Variants in PRIM2 observed in about 807,000 individuals in gnomAD.
PRIM2 encodes DNA primase subunit 2.
A neutral mutation model predicts 67.3 loss-of-function variants in PRIM2; 39 were observed. That is an observed-to-expected ratio of 0.58 (90% CI 0.45 to 0.76). PRIM2 has a LOEUF of 0.76. Among genes scored for constraint, PRIM2 ranks in the 30% least tolerant of loss-of-function variants. The pLI, the probability that PRIM2 is intolerant of heterozygous loss-of-function variation, is 0.00. For missense variants in PRIM2, 398 were observed against 598.7 expected, an observed-to-expected ratio of 0.66 and a Z score of 3.50; for synonymous variants, 143 against 198.7, an observed-to-expected ratio of 0.72 and a Z score of 2.36.
chr6:57,530,030 G>A (rs1774853224), intron 8 of PRIM2, among the ~76,000 whole-genome samples: 1 of 151,940 alleles, frequency 6.6e-6, no homozygotes, highest in Non-Finnish European at 1.5e-5. Context: ...AAAGCCACAA[G>A]TTTCCTTCCC....
At chr6:57,537,945 T>A (rs1288520305) in intron 10 of PRIM2, among the ~76,000 whole-genome samples, 1 of 152,160 alleles carries the variant, frequency 6.6e-6, no homozygotes, top group Non-Finnish European at 1.5e-5. Flanking sequence ...CTGGGAGATA[T>A]CATGAACAAA....
chr6:57,265,655 A>G, the PRIM2 span, among the ~76,000 whole-genome samples: 1 of 152,230 alleles, frequency 6.6e-6, no homozygotes, highest in African/African-American at 2.4e-5. Context: ...TATCCTATAG[A>G]TAGCCCAGAA....
intron 8 of PRIM2, among the ~76,000 whole-genome samples, chr6:57,531,990 T>G (rs1237750676): frequency 6.6e-6 from 1 of 152,162 alleles, no homozygotes; most frequent in South Asian, 2.1e-4. Context: ...CATTAGTCAA[T>G]AAGGCACCTG....
At chr6:57,630,278 A>G (rs1237467699) in intron 12 of PRIM2, among the ~76,000 whole-genome samples, 1 of 152,194 alleles carries the variant, frequency 6.6e-6, no homozygotes, top group Non-Finnish European at 1.5e-5. Context: ...ATAAAAATTC[A>G]TCCTAATAAA....
chr6:57,448,148 G>T (rs12200861), intron 7 of PRIM2, among the ~76,000 whole-genome samples: 1 of 152,120 alleles, frequency 6.6e-6, no homozygotes, highest in African/African-American at 2.4e-5. Context: ...AGACAATGTT[G>T]TATAGAACAT....
At chr6:57,438,426 C>T (rs1772085312) in intron 7 of PRIM2, among the ~76,000 whole-genome samples, 1 of 152,150 alleles carries the variant, frequency 6.6e-6, no homozygotes, top group Admixed American at 6.5e-5. Context: ...CTGGCTCTTA[C>T]ATCTTCAATA....
At chr6:57,318,143 C>G (rs1285167169) in intron 1 of PRIM2, among the ~76,000 whole-genome samples, 3 of 152,126 alleles carry the variant, frequency 2.0e-5, no homozygotes, top group African/African-American at 7.2e-5. Flanking sequence ...ACACACAGGC[C>G]TATAATGAGC....
chr6:57,278,821 T>C, the PRIM2 span, among the ~76,000 whole-genome samples: 93 of 152,194 alleles, frequency 6.1e-4, no homozygotes, highest in African/African-American at 2.2e-3. Flanking sequence ...ATAGTTTTTA[T>C]GAACAAAGCT....
chr6:57,469,370 C>G (rs1295772095), intron 7 of PRIM2, among the ~76,000 whole-genome samples: 1 of 152,226 alleles, frequency 6.6e-6, no homozygotes. Context: ...TATAAAAACA[C>G]TAGTGAATCA....
At chr6:57,620,620 A>G (rs1366581728) in intron 12 of PRIM2, among the ~76,000 whole-genome samples, 51 of 152,358 alleles carry the variant, frequency 3.3e-4, no homozygotes, top group African/African-American at 1.2e-3. Context: ...TCTTTAAAGC[A>G]TAAATCTCAC....
chr6:57,300,425 G>C, the PRIM2 span, among the ~76,000 whole-genome samples: 1 of 152,072 alleles, frequency 6.6e-6, no homozygotes, highest in African/African-American at 2.4e-5. Flanking sequence ...GTCCTGTCTC[G>C]TGTGCCTGTA....
intron 7 of PRIM2, among the ~76,000 whole-genome samples, chr6:57,433,069 C>T (rs7768912): frequency 0.014 from 2,071 of 152,270 alleles, 44 homozygotes; most frequent in African/African-American, 0.046. Flanking sequence ...TATTGGAACA[C>T]AGTCATGCCT....
intron 10 of PRIM2, among the ~76,000 whole-genome samples, chr6:57,561,223 T>C (rs1775621613): frequency 6.6e-6 from 1 of 152,236 alleles, no homozygotes; most frequent in South Asian, 2.1e-4. Context: ...TGTGCTAGCA[T>C]CAAACTTTTT....
chr6:57,573,943 A>G (rs1230387163), intron 10 of PRIM2, among the ~76,000 whole-genome samples: 4 of 151,964 alleles, frequency 2.6e-5, no homozygotes, highest in Non-Finnish European at 5.9e-5. Flanking sequence ...ATAATCTATT[A>G]CTCAGAAACT....
At chr6:57,491,104 A>G (rs1202159732) in intron 7 of PRIM2, among the ~76,000 whole-genome samples, 1 of 152,246 alleles carries the variant, frequency 6.6e-6, no homozygotes, top group Non-Finnish European at 1.5e-5. Context: ...GAGTATCATG[A>G]AAGAAAGACA....
chr6:57,337,150 G>A (rs1242753294), intron 5 of PRIM2, among the ~76,000 whole-genome samples: 1 of 152,210 alleles, frequency 6.6e-6, no homozygotes, highest in Non-Finnish European at 1.5e-5. Flanking sequence ...AATTCAATAA[G>A]AAGAGCTAAC....
At chr6:57,490,025 T>C (rs1773853664) in intron 7 of PRIM2, among the ~76,000 whole-genome samples, 1 of 149,122 alleles carries the variant, frequency 6.7e-6, no homozygotes, top group Non-Finnish European at 1.5e-5. Context: ...CAGAAGTTGG[T>C]GTTAGTTGGG....
chr6:57,306,737 A>T, the PRIM2 span, among the ~76,000 whole-genome samples: 1 of 152,198 alleles, frequency 6.6e-6, no homozygotes, highest in South Asian at 2.1e-4. Flanking sequence ...AAAGGTCCCC[A>T]CCTGTGCATC....
Position 57,330,348 on chromosome 6 carries a change from GTT to G in PRIM2, c.459+4314_459+4315del, listed in dbSNP as rs1238317111. On this transcript the variant is annotated intron_variant, in intron 5 of 13. Transcript: ENST00000615550. ...TGTATCCTGCAACCTTGCTGAACTT[GTT>G]TTTTTTTTTTGTTTTTGTTTTTTTG... 6.8e-4 allele frequency among the ~76,000 whole-genome samples: 60 copies of G among 87,824 alleles called. 1 individual carries two copies. Among genetic ancestry groups the G allele is most frequent in the African/African-American group, 2.9e-3 (59 of 20,146 alleles). 57.6% of individuals were successfully genotyped at this position (87,824 alleles called of 152,430 possible). A position where few individuals can be genotyped will look rare whatever the true frequency, so the allele number is the denominator to read the frequency against.
Sources: gnomAD v4.1 joint callset for allele counts (sites outside exome capture counted in the v4.1 genomes callset) on GRCh38, gnomAD v4.1.1 for gene constraint, MANE v1.5 for transcripts, NCBI Gene and HGNC (gene_info 2026-07-23, HGNC 2026-07-21) for gene names.